ZNF365: variants seen among roughly 807,000 people sequenced by gnomAD.
ZNF365 encodes the protein zinc finger protein 365, also known as protein ZNF365.
ZNF365 carries 22 observed loss-of-function variants against 35.0 expected under a neutral mutation model. The observed-to-expected ratio is 0.63, with a 90% CI of 0.45 to 0.90. The LOEUF (loss-of-function observed/expected upper bound fraction) is 0.90, where lower values mean the gene tolerates loss of function less well. ZNF365 is among the 40% of genes least tolerant of loss of function. The probability of loss-of-function intolerance (pLI) is 0.00; values close to 1 mark genes in which losing one functional copy is unlikely to be tolerated. For missense variants in ZNF365, 448 were observed against 500.3 expected, an observed-to-expected ratio of 0.90 and a Z score of 1.00; for synonymous variants, 188 against 196.2, an observed-to-expected ratio of 0.96 and a Z score of 0.35.
chr10:62,394,520 A>C (rs987729003), intron 3 of ZNF365, among the ~76,000 whole-genome samples: 2 of 152,196 alleles, frequency 1.3e-5, no homozygotes, highest in African/African-American at 4.8e-5. Flanking sequence ...CCATTTGAGC[A>C]GTTGTGTGAG....
intron 3 of ZNF365, 33 bp downstream of exon 3, chr10:62,388,609 G>C: frequency 6.2e-7 from 1 of 1,610,754 alleles, no homozygotes; most frequent in Non-Finnish European, 8.5e-7. Flanking sequence ...CCGAGTGTAA[G>C]ATCCCTGTGG....
chr10:62,465,469 C>G (rs1840926488), intron 4 of ZNF365, among the ~76,000 whole-genome samples: 1 of 152,186 alleles, frequency 6.6e-6, no homozygotes, highest in Non-Finnish European at 1.5e-5. Context: ...CAGGAATGCT[C>G]TGGAGGCTGG....
At chr10:62,450,217 G>A (rs1352361391) in intron 3 of ZNF365, among the ~76,000 whole-genome samples, 1 of 152,164 alleles carries the variant, frequency 6.6e-6, no homozygotes, top group African/African-American at 2.4e-5. Context: ...CGTATAAGCA[G>A]GTAATTTGTA....
chr10:62,424,609 G>T (rs962506687), intron 3 of ZNF365, among the ~76,000 whole-genome samples: 1 of 152,162 alleles, frequency 6.6e-6, no homozygotes, highest in African/African-American at 2.4e-5. Flanking sequence ...CACTGATTTG[G>T]ATTCCATTGA....
intron 3 of ZNF365, among the ~76,000 whole-genome samples, chr10:62,427,491 G>C (rs1840268602): frequency 6.6e-6 from 1 of 152,160 alleles, no homozygotes; most frequent in African/African-American, 2.4e-5. Context: ...ATCACCTAAA[G>C]ATGCATTTCT....
chr10:62,464,280 T>C (rs1840896125), intron 4 of ZNF365, among the ~76,000 whole-genome samples: 1 of 152,242 alleles, frequency 6.6e-6, no homozygotes. Flanking sequence ...ACTTTCCTGC[T>C]ATGATCTCCC....
chr10:62,396,333 C>T (rs972662706), intron 3 of ZNF365, among the ~76,000 whole-genome samples: 8 of 152,130 alleles, frequency 5.3e-5, no homozygotes, highest in Non-Finnish European at 8.8e-5. Context: ...AAGCCCAGCC[C>T]GAACACTGGT....
chr10:62,465,917 T>G (rs1391473128), intron 4 of ZNF365, among the ~76,000 whole-genome samples: 1 of 152,146 alleles, frequency 6.6e-6, no homozygotes, highest in African/African-American at 2.4e-5. Context: ...GAGCCAGAGC[T>G]GTTGTAACAC....
chr10:62,442,029 A>G (rs1368353701), intron 3 of ZNF365, among the ~76,000 whole-genome samples: 1 of 152,214 alleles, frequency 6.6e-6, no homozygotes, highest in Non-Finnish European at 1.5e-5. Flanking sequence ...CAAGCTGGGT[A>G]GACATGCTTA....
At chr10:62,407,722 A>G (rs551563585) in intron 3 of ZNF365, among the ~76,000 whole-genome samples, 1 of 152,352 alleles carries the variant, frequency 6.6e-6, no homozygotes, top group Admixed American at 6.5e-5. Flanking sequence ...AAGCCTTATC[A>G]GTAGGTATTT....
intron 4 of ZNF365, among the ~76,000 whole-genome samples, chr10:62,461,582 C>T (rs1840848890): frequency 6.6e-6 from 1 of 152,176 alleles, no homozygotes; most frequent in African/African-American, 2.4e-5. Flanking sequence ...CCTCCCATTC[C>T]AATAAATACA....
At position 62,376,646 on chromosome 10, in the gene ZNF365, A is replaced by C; in HGVS notation, c.453A>C (p.Ser151=). ...GTRSGPGLPT[S]DTKASFEAHV... is the part of the protein sequence containing the mutation. ...GGTCGGGTCCTGGACTGCCCACCTCAGACACCAAAGCTTCTTTCGAGGCAC... is the reference window on the plus strand; with the variant it reads ...GGTCGGGTCCTGGACTGCCCACCTCCGACACCAAAGCTTCTTTCGAGGCAC... Residue 151 remains serine, a synonymous_variant, in exon 2 of 5, where the codon TCA becomes TCC. Coordinates refer to ENST00000395254, the MANE Select transcript of ZNF365 (RefSeq NM_014951.3). 6.2e-7 allele frequency: 1 copy of C among 1,614,176 alleles called. No individual in the cohort carries two copies. Among genetic ancestry groups the C allele is most frequent in the Non-Finnish European group, 8.5e-7 (1 of 1,180,046 alleles).
intron 3 of ZNF365, among the ~76,000 whole-genome samples, chr10:62,416,018 C>T (rs1444210824): frequency 6.6e-6 from 1 of 152,136 alleles, no homozygotes; most frequent in Non-Finnish European, 1.5e-5. Flanking sequence ...TGGTCAGCCA[C>T]AAATTATTCC....
At chr10:62,404,679 A>G (rs1025794254), downstream of ZNF365, among the ~76,000 whole-genome samples, 8 of 152,140 alleles carry the variant, frequency 5.3e-5, no homozygotes, top group Admixed American at 5.2e-4. Context: ...GCGTAATTCA[A>G]AATCCATGAG....
chr10:62,450,477 C>G (rs552958486), intron 3 of ZNF365, among the ~76,000 whole-genome samples: 1 of 152,258 alleles, frequency 6.6e-6, no homozygotes, highest in African/African-American at 2.4e-5. Context: ...TCTTGAGATT[C>G]TTAATAATTT....
rs375259912 is a variant in ZNF365 at position 62,477,697 on chromosome 10, A to G, written c.982-2179A>G. Among the ~76,000 whole-genome samples, 6 of 152,306 alleles carry G rather than the reference A, an allele frequency of 3.9e-5. No homozygotes were observed. The South Asian group carries it at 8.3e-4, about 21-fold the overall frequency. Reference sequence around the variant, plus strand: ...GCCCATTACAGGTCAGCTGAAGCCCAGATGTATGTTTTCCTAATTTGGGGC... The same window carrying G: ...GCCCATTACAGGTCAGCTGAAGCCCGGATGTATGTTTTCCTAATTTGGGGC... On this transcript the variant is annotated intron_variant, in intron 4 of 4. Transcript: ENST00000395255.
intron 3 of ZNF365, among the ~76,000 whole-genome samples, chr10:62,421,985 G>A (rs1235055019): frequency 2.0e-5 from 3 of 152,308 alleles, no homozygotes; most frequent in Non-Finnish European, 4.4e-5. Context: ...TTATCTGCAA[G>A]GTACTGCCAT....
In ZNF365 at chr10:62,384,107, C is replaced by CT. The variant is rs79894933; in HGVS notation, c.744-4274dup. 1.7e-3 allele frequency among the ~76,000 whole-genome samples: 251 copies of CT among 144,276 alleles called. 2 individuals are homozygous for CT. Among genetic ancestry groups the CT allele is most frequent in the African/African-American group, 5.3e-3 (208 of 39,058 alleles). 94.7% of individuals were successfully genotyped at this position (144,276 alleles called of 152,430 possible). On this transcript the variant is annotated intron_variant, in intron 2 of 4. Coordinates refer to ENST00000395254, the MANE Select transcript of ZNF365 (RefSeq NM_014951.3). ...AACCTCTGATTTAATAATATTTGGC[C>CT]TTTTTTTTTTTTTTTAAATAAAGAA...
At chr10:62,406,955 G>A (rs1285637645), downstream of ZNF365, among the ~76,000 whole-genome samples, 2 of 152,110 alleles carry the variant, frequency 1.3e-5, no homozygotes, top group African/African-American at 4.8e-5. Context: ...CATCATTCCT[G>A]GAACCTGGGC....
Sources: allele counts gnomAD v4.1 joint callset (sites outside exome capture counted in the v4.1 genomes callset), GRCh38; gene constraint gnomAD v4.1.1; transcripts MANE v1.5; gene names NCBI Gene and HGNC (gene_info 2026-07-23, HGNC 2026-07-21).